NR5A2: variants seen among roughly 807,000 people sequenced by gnomAD.
NR5A2 encodes the protein CYP7A promoter-binding factor.
NR5A2 carries 26 observed loss-of-function variants against 62.7 expected under a neutral mutation model. The ratio of observed to expected loss-of-function variants is 0.41; its 90% CI spans 0.30 to 0.58. The LOEUF is 0.58. NR5A2 is among the 20% of genes least tolerant of loss of function. NR5A2 has a pLI of 0.22. For missense variants in NR5A2, 541 were observed against 669.1 expected, an observed-to-expected ratio of 0.81 and a Z score of 2.11; for synonymous variants, 246 against 241.7, an observed-to-expected ratio of 1.02 and a Z score of -0.16.
At chr1:200,042,437 G>A (rs1332482011) in intron 2 of NR5A2, among the ~76,000 whole-genome samples, 2 of 152,246 alleles carry the variant, frequency 1.3e-5, no homozygotes, top group African/African-American at 2.4e-5. Flanking sequence ...GCGATACTGT[G>A]GCGGAGGACT....
intron 7 of NR5A2, among the ~76,000 whole-genome samples, chr1:200,157,644 A>G (rs16846145): frequency 0.054 from 8,266 of 152,308 alleles, 392 homozygotes; most frequent in East Asian, 0.26. Context: ...TCTTTCATAT[A>G]CAAATACATA....
At chr1:200,102,441 C>A (rs1665421628) in intron 5 of NR5A2, among the ~76,000 whole-genome samples, 1 of 152,144 alleles carries the variant, frequency 6.6e-6, no homozygotes, top group South Asian at 2.1e-4. Context: ...AGAGGACCAG[C>A]CTGTTTTGCT....
intron 7 of NR5A2, among the ~76,000 whole-genome samples, chr1:200,141,154 TG>T (rs920786327): frequency 1.1e-4 from 17 of 152,216 alleles, no homozygotes; most frequent in African/African-American, 2.4e-5. Flanking sequence ...TTGTATGTGT[TG>T]GGGGGTGGGT....
In NR5A2 at chr1:200,048,915, C is replaced by G. The variant is rs1662509804; in HGVS notation, c.1110+97C>G. 7.2e-6 allele frequency: 10 copies of G among 1,396,200 alleles called. No homozygotes were observed. The highest frequency in any genetic ancestry group is 9.8e-6 in the Non-Finnish European group (10 of 1,019,254). 86.5% of individuals were successfully genotyped at this position (1,396,200 alleles called of 1,614,324 possible). On this transcript the variant is annotated intron_variant, in intron 5 of 7. Coordinates refer to ENST00000367362, the MANE Select transcript of NR5A2 (RefSeq NM_205860.3). This position sits in a 1 kb window ranked among gnomAD's most constrained non-coding sequence, Gnocchi z 4.8. Reference sequence around the variant, plus strand: ...TTCTTGGTGCTGAAAATATGTGTTCCTTAATTTTCTACTTTGTATGATTTA... The same window carrying G: ...TTCTTGGTGCTGAAAATATGTGTTCGTTAATTTTCTACTTTGTATGATTTA...
rs1399728719 is a variant in NR5A2 at position 200,175,236 on chromosome 1, T to C, written c.*1026T>C. ...TGGAAACAAAATTGACGCATGTTAA[T>C]CTATGCAAAGAGAAAGGAAAGGATG... On this transcript the variant is annotated 3_prime_UTR_variant, in exon 8 of 8. Transcript: ENST00000367362. The C allele has an allele frequency of 5.9e-5, 9 of 152,450 alleles. No homozygotes were observed. Among genetic ancestry groups the C allele is most frequent in the Middle Eastern group, 3.2e-3 (1 of 316 alleles). The allele number at this position is 152,450 out of a possible 1,614,324, so 9.4% of individuals were successfully genotyped here.
In NR5A2 at chr1:200,039,310, C is replaced by A. The variant is rs1034039027; in HGVS notation, c.65-348C>A. 1.3e-5 allele frequency among the ~76,000 whole-genome samples: 2 copies of A among 152,106 alleles called. No homozygotes were observed. The highest frequency in any genetic ancestry group is 3.9e-4 in the East Asian group (2 of 5,166). On this transcript the variant is annotated intron_variant, in intron 1 of 7. Coordinates refer to ENST00000367362, the MANE Select transcript of NR5A2 (RefSeq NM_205860.3). The surrounding 1 kb of genome is among the most constrained non-coding windows in gnomAD (Gnocchi z 5.1). ...AGTGGCAGCGGCACAGCCGGGGCGGCAATAGCAGCCCCGCGGTCGCCTCCG... is the reference window on the plus strand; with the variant it reads ...AGTGGCAGCGGCACAGCCGGGGCGGAAATAGCAGCCCCGCGGTCGCCTCCG...
chr1:200,029,100 T>G (rs1194848983), intron 1 of NR5A2: 1 of 446,540 alleles, frequency 2.2e-6, no homozygotes, highest in Non-Finnish European at 4.5e-6. Context: ...ATCTTTTTCG[T>G]CGGGCAGAAC....
chr1:200,083,967 AAATAATAAT>A (rs149200240), intron 5 of NR5A2, among the ~76,000 whole-genome samples: 13,653 of 142,646 alleles, frequency 0.096, 725 homozygotes, highest in Middle Eastern at 0.14. Flanking sequence ...CTCCATCTCA[AAATAATAAT>A]AATAATAATA....
intron 5 of NR5A2, among the ~76,000 whole-genome samples, chr1:200,067,889 C>T (rs1663568327): frequency 6.6e-6 from 1 of 152,168 alleles, no homozygotes; most frequent in Admixed American, 6.5e-5. Context: ...AGTGCTTCCT[C>T]CCTTGAAGTT....
intron 7 of NR5A2, among the ~76,000 whole-genome samples, chr1:200,129,393 G>A (rs1666864965): frequency 6.6e-6 from 1 of 152,210 alleles, no homozygotes; most frequent in Non-Finnish European, 1.5e-5. Flanking sequence ...CAGCCATTAA[G>A]TGAGGCATAC....
chr1:200,064,425 T>A (rs1389192861), intron 5 of NR5A2, among the ~76,000 whole-genome samples: 1 of 152,148 alleles, frequency 6.6e-6, no homozygotes, highest in Non-Finnish European at 1.5e-5. Context: ...CAGGGCGGCA[T>A]CACTAGGAGA....
At chr1:200,034,624 A>G (rs1661685068) in intron 1 of NR5A2, among the ~76,000 whole-genome samples, 1 of 150,460 alleles carries the variant, frequency 6.6e-6, no homozygotes, top group African/African-American at 2.4e-5. Context: ...GGTAGGTTGG[A>G]TTACCCAGAT....
intron 5 of NR5A2, among the ~76,000 whole-genome samples, chr1:200,102,667 A>T (rs929428908): frequency 2.6e-5 from 4 of 152,138 alleles, no homozygotes; most frequent in African/African-American, 9.7e-5. Context: ...TTCCCAATTT[A>T]TGAAGTTCCC....
intron 4 of NR5A2, among the ~76,000 whole-genome samples, 196 bp from the exon 5 acceptor site, chr1:200,047,976 C>T (rs761439457): frequency 7.9e-5 from 12 of 152,018 alleles, no homozygotes; most frequent in South Asian, 2.1e-4. Context: ...TTTTTGATGA[C>T]GACACACACT....
intron 5 of NR5A2, among the ~76,000 whole-genome samples, chr1:200,062,480 C>A (rs1439775107): frequency 6.6e-6 from 1 of 152,052 alleles, no homozygotes; most frequent in East Asian, 1.9e-4. Context: ...TTACTTGTTG[C>A]CTAATTTTTA....
intron 5 of NR5A2, among the ~76,000 whole-genome samples, chr1:200,055,141 T>C (rs2737644): frequency 0.38 from 58,225 of 151,816 alleles, 14,768 homozygotes; most frequent in African/African-American, 0.73. Flanking sequence ...GCAGTCCTCC[T>C]ACCTTGGCCT....
chr1:200,065,278 GC>G lies in NR5A2; in HGVS notation c.1110+16461del, dbSNP rs201173148. ...CTAGCCTCAGCTTCCTGAGAAGCTG[GC>G]ACTACAGGTGTGCACCACCACATGC... On this transcript the variant is annotated intron_variant, in intron 5 of 7. Coordinates refer to ENST00000367362, the MANE Select transcript of NR5A2 (RefSeq NM_205860.3). Among the ~76,000 whole-genome samples the G allele has an allele frequency of 8.7e-3, 1,323 of 152,118 alleles. 10 individuals are homozygous for G. Among genetic ancestry groups the G allele is most frequent in the Middle Eastern group, 0.024 (7 of 294 alleles).
intron 1 of NR5A2, among the ~76,000 whole-genome samples, chr1:200,037,106 T>A (rs375467415): frequency 1.3e-5 from 2 of 152,276 alleles, no homozygotes; most frequent in African/African-American, 4.8e-5. Flanking sequence ...TAGACTGGCA[T>A]GGACCAAGAA....
rs942362813 is a variant in NR5A2 at position 200,079,429 on chromosome 1, T to TAA, written c.1110+30614_1110+30615dup. Among the ~76,000 whole-genome samples the TAA allele has an allele frequency of 2.6e-5, 4 of 152,036 alleles. No individual in the cohort carries two copies. In the South Asian group the frequency reaches 8.3e-4, roughly 32 times the overall value. The stretch of plus-strand genomic sequence containing the variant: ...TCGGAAGATGAACAGGGGAAGGGAG[T>TAA]AAAATCAAGGGCAGGGTCTCATCCT... On this transcript the variant is annotated intron_variant, in intron 5 of 7. Coordinates refer to ENST00000367362, the MANE Select transcript of NR5A2 (RefSeq NM_205860.3).
Sources: gnomAD v4.1 joint callset for allele counts (sites outside exome capture counted in the v4.1 genomes callset) on GRCh38, gnomAD v4.1.1 for gene constraint, Gnocchi (gnomAD v3.1) non-coding constraint, MANE v1.5 for transcripts, NCBI Gene and HGNC (gene_info 2026-07-23, HGNC 2026-07-21) for gene names.